OR8J3: variants seen among roughly 807,000 people sequenced by gnomAD.
OR8J3 encodes the protein olfactory receptor family 8 subfamily J member 3.
For missense variants in OR8J3, 418 were observed against 379.8 expected (o/e 1.10, Z -0.84); for synonymous variants, 170 against 142.6 (o/e 1.19, Z -1.37).
rs1854351332 is a variant in OR8J3 at position 56,137,838 on chromosome 11, C to T, written c.-120G>A. 2 of 772,232 alleles carry T rather than the reference C, an allele frequency of 2.6e-6. No homozygotes were observed. The highest frequency in any genetic ancestry group is 2.6e-5 in the East Asian group (1 of 38,680). The allele number at this position is 772,232 out of a possible 1,614,324, so 47.8% of individuals were successfully genotyped here. The stretch of plus-strand genomic sequence containing the variant: ...CAATTCCTGGGTGTGATCTTCTTGT[C>T]ATGTATTAATCTAATTCAGTTATTA... On this transcript the variant is annotated 5_prime_UTR_variant, in exon 2 of 2. An upstream start codon of the reference 5' UTR is lost. Transcript: ENST00000642058.
At position 56,136,776 on chromosome 11, in the gene OR8J3, T is replaced by C. The variant is rs150114964; in HGVS notation, c.943A>G (p.Met315Val). Residue 315 changes from methionine (M) to valine (V), a missense_variant, in exon 2 of 2, where the codon ATG becomes GTG. Transcript: ENST00000642058. ...TTATTTATAGAGCTCTAAAATTACA[T>C]TGATTTAAAGGAGTAACATGGATTT... Reference protein sequence around the residue: ...MENPCYSFKSM With the variant: ...MENPCYSFKSV 4.1e-5 allele frequency: 62 copies of C among 1,518,932 alleles called. No homozygotes were observed. The highest frequency in any genetic ancestry group is 1.2e-5 in the Non-Finnish European group (14 of 1,120,808). The allele number at this position is 1,518,932 out of a possible 1,614,324, so 94.1% of individuals were successfully genotyped here.
At chr11:56,139,285 C>A (rs1165675479) in intron 1 of OR8J3, among the ~76,000 whole-genome samples, 1 of 151,974 alleles carries the variant, frequency 6.6e-6, no homozygotes, top group African/African-American at 2.4e-5. Context: ...AGTTTCTCTC[C>A]TTCTAAAAGA....
rs1854357872 is a variant in OR8J3 at position 56,138,516 on chromosome 11, A to AC, written c.-779-20_-779-19insG. The stretch of plus-strand genomic sequence containing the variant: ...CCCCTTTCTACAAACAAACAAACAA[A>AC]AAAAAATAATTAGCCGTGCGTCGTG... On this transcript the variant is annotated intron_variant, in intron 1 of 1. Transcript: ENST00000642058. 1 of 152,136 alleles carries AC rather than the reference A, an allele frequency of 6.6e-6. No individual in the cohort carries two copies. Among genetic ancestry groups the AC allele is most frequent in the African/African-American group, 2.4e-5 (1 of 41,416 alleles). The allele number at this position is 152,136 out of a possible 1,614,324, so 9.4% of individuals were successfully genotyped here.
rs1197476921 is a variant in OR8J3 at position 56,137,959 on chromosome 11, T to C, written c.-241A>G. The stretch of plus-strand genomic sequence containing the variant: ...TTTAGTATGGCAAAGTAAATAGTTG[T>C]TTCAGCATCCTGCAACACTTTGAGG... On this transcript the variant is annotated 5_prime_UTR_variant, in exon 2 of 2. Coordinates refer to ENST00000642058, the MANE Select transcript of OR8J3 (RefSeq NM_001004064.2). 2.0e-6 allele frequency: 1 copy of C among 493,382 alleles called. No homozygotes were observed. The highest frequency in any genetic ancestry group is 3.6e-6 in the Non-Finnish European group (1 of 280,630). The allele number at this position is 493,382 out of a possible 1,614,324, so 30.6% of individuals were successfully genotyped here.
chr11:56,137,797 C>T lies in OR8J3; in HGVS notation c.-79G>A. The T allele has an allele frequency of 8.4e-7, 1 of 1,183,626 alleles. No individual in the cohort carries two copies. The highest frequency in any genetic ancestry group is 2.1e-4 in the Middle Eastern group (1 of 4,736). 73.3% of individuals were successfully genotyped at this position (1,183,626 alleles called of 1,614,324 possible). The stretch of plus-strand genomic sequence containing the variant: ...TTAAGGAATCATTTTCTAGGATTTC[C>T]ACTAGATGGCAAGGACAATTCCTGG... On this transcript the variant is annotated 5_prime_UTR_variant, in exon 2 of 2. Transcript: ENST00000642058.
Position 56,137,550 on chromosome 11 carries a change from T to G in OR8J3, c.169A>C (p.Asn57His). 8.1e-6 allele frequency: 13 copies of G among 1,614,164 alleles called. No homozygotes were observed. The highest frequency in any genetic ancestry group is 1.1e-5 in the Non-Finnish European group (13 of 1,180,034). The change falls in exon 2 of 2, where the codon AAC becomes CAC. Residue 57 changes from asparagine (N) to histidine (H), a missense_variant. Physicochemically the swap from Asn to His is moderately conservative, Grantham distance 68. Coordinates refer to ENST00000642058, the MANE Select transcript of OR8J3 (RefSeq NM_001004064.2). ...TLTSVDSRLQ[N>H]PMYFFLRHLA... is the part of the protein sequence containing the mutation. ...TGTCTCAGGAAAAAGTACATGGGGT[T>G]TTGAAGTCGAGAGTCAACACTGGTG...
chr11:56,137,750 A>G lies in OR8J3; in HGVS notation c.-32T>C. On this transcript the variant is annotated 5_prime_UTR_variant, in exon 2 of 2. Coordinates refer to ENST00000642058, the MANE Select transcript of OR8J3 (RefSeq NM_001004064.2). ...GTTTGGAAATTCATCTGTTTGAGGA[A>G]GAAAATAAGTGGTTATAGACGTTAA... is the stretch of plus-strand genomic sequence containing the variant. 1 of 1,540,944 alleles carries G rather than the reference A, an allele frequency of 6.5e-7. No individual in the cohort carries two copies. Among genetic ancestry groups the G allele is most frequent in the Non-Finnish European group, 8.8e-7 (1 of 1,136,946 alleles).
Position 56,136,649 on chromosome 11 carries a change from C to T in OR8J3, c.*122G>A. 1 of 520,484 alleles carries T rather than the reference C, an allele frequency of 1.9e-6. No individual in the cohort carries two copies. Among genetic ancestry groups the T allele is most frequent in the Non-Finnish European group, 3.2e-6 (1 of 309,478 alleles). The allele number at this position is 520,484 out of a possible 1,614,324, so 32.2% of individuals were successfully genotyped here. On this transcript the variant is annotated 3_prime_UTR_variant, in exon 2 of 2. Transcript: ENST00000642058. ...ATGTTTCCATGTATTTTTTTTAATTCAATGATCTTTAAATCTTACCTCTTG... is the reference window on the plus strand; with the variant it reads ...ATGTTTCCATGTATTTTTTTTAATTTAATGATCTTTAAATCTTACCTCTTG...
Position 56,137,539 on chromosome 11 carries a change from G to T in OR8J3, c.180C>A (p.Tyr60Ter). Residue 60 changes from tyrosine (Y) to a stop codon, truncating the protein, a stop_gained, in exon 2 of 2, where the codon TAC becomes TAA. Coordinates refer to ENST00000642058, the MANE Select transcript of OR8J3 (RefSeq NM_001004064.2). LOFTEE classifies it low-confidence loss of function (END_TRUNC). ...SVDSRLQNPM[Y>*]FFLRHLAIIN... ...TGATAGCTAGATGTCTCAGGAAAAA[G>T]TACATGGGGTTTTGAAGTCGAGAGT... The T allele has an allele frequency of 6.2e-7, 1 of 1,614,192 alleles. No homozygotes were observed. The highest frequency in any genetic ancestry group is 1.3e-5 in the African/African-American group (1 of 75,046).
Position 56,135,909 on chromosome 11 carries a change from T to G in OR8J3, c.*862A>C, listed in dbSNP as rs1354036231. 1 of 151,966 alleles carries G rather than the reference T, an allele frequency of 6.6e-6. No homozygotes were observed. Among genetic ancestry groups the G allele is most frequent in the African/African-American group, 2.4e-5 (1 of 41,438 alleles). 9.4% of individuals were successfully genotyped at this position (151,966 alleles called of 1,614,324 possible). On this transcript the variant is annotated 3_prime_UTR_variant, in exon 2 of 2. Coordinates refer to ENST00000642058, the MANE Select transcript of OR8J3 (RefSeq NM_001004064.2). ...CTGATTACTCCTATATATTATAAGT[T>G]GTACAATAGGTGTAAGTGTACACTT...
Position 56,137,592 on chromosome 11 carries a change from G to A in OR8J3, c.127C>T (p.Leu43=). 6.2e-7 allele frequency: 1 copy of A among 1,614,202 alleles called. No homozygotes were observed. The highest frequency in any genetic ancestry group is 8.5e-7 in the Non-Finnish European group (1 of 1,180,040). Residue 43 remains leucine (L), a synonymous_variant, in exon 2 of 2, where the codon CTG becomes TTG. Transcript: ENST00000642058. The part of the protein sequence containing the change: ...VLYVLTMAGN[L]GIITLTSVDS... The stretch of plus-strand genomic sequence containing the variant: ...ACACTGGTGAGGGTGATGATGCCCA[G>A]GTTCCCTGCCATGGTCAGCACATAG...
chr11:56,139,672 CTAG>C (rs751742805), intron 1 of OR8J3, among the ~76,000 whole-genome samples: 19 of 152,290 alleles, frequency 1.2e-4, no homozygotes, highest in Middle Eastern at 3.4e-3. Flanking sequence ...AGATAATATA[CTAG>C]GATAACCTGG....
In OR8J3 at chr11:56,137,073, C is replaced by T; in HGVS notation, c.646G>A (p.Val216Ile). The T allele has an allele frequency of 2.5e-6, 4 of 1,613,744 alleles. No individual in the cohort carries two copies. Among genetic ancestry groups the T allele is most frequent in the Non-Finnish European group, 3.4e-6 (4 of 1,179,924 alleles). The change falls in exon 2 of 2, where the codon GTA (valine) becomes ATA (isoleucine). Residue 216 changes from valine (V) to isoleucine (I), a missense_variant. By Grantham distance (29) the Val-to-Ile change is conservative. Coordinates refer to ENST00000642058, the MANE Select transcript of OR8J3 (RefSeq NM_001004064.2). ...GACAAAACAATATTGAAATAAGATA[C>T]TAGAACTGTAATCATGGAAAAAACC... ...NLVFSMITVL[V>I]SYFNIVLSIL...
At chr11:56,139,618 A>G (rs764998493) in intron 1 of OR8J3, among the ~76,000 whole-genome samples, 6 of 152,264 alleles carry the variant, frequency 3.9e-5, no homozygotes, top group Non-Finnish European at 8.8e-5. Flanking sequence ...GCATATAAAC[A>G]CAATAATTGC....
Position 56,137,845 on chromosome 11 carries a change from T to A in OR8J3, c.-127A>T. 4 of 737,396 alleles carry A rather than the reference T, an allele frequency of 5.4e-6. No homozygotes were observed. The highest frequency in any genetic ancestry group is 8.8e-6 in the Non-Finnish European group (4 of 453,034). The allele number at this position is 737,396 out of a possible 1,614,324, so 45.7% of individuals were successfully genotyped here. A position where few individuals can be genotyped will look rare whatever the true frequency, so the allele number is the denominator to read the frequency against. On this transcript the variant is annotated 5_prime_UTR_variant, in exon 2 of 2. Transcript: ENST00000642058. ...TGGGTGTGATCTTCTTGTCATGTAT[T>A]AATCTAATTCAGTTATTAAACTCAG...
rs1264981754 is a variant in OR8J3, at chr11:56,137,370, C to T, written c.349G>A (p.Val117Met). The stretch of plus-strand genomic sequence containing the variant: ...GCCACATAGCGGTCATAGGCCATCA[C>T]AGCCAGCATCATTACCTCCGATACA... ...FIVSEVMMLAVMAYDRYVAIC... is the reference protein window; with the variant it reads ...FIVSEVMMLAMMAYDRYVAIC... Residue 117 changes from valine to methionine, a missense_variant, in exon 2 of 2, where the codon GTG (valine) becomes ATG (methionine). Coordinates refer to ENST00000642058, the MANE Select transcript of OR8J3 (RefSeq NM_001004064.2). 2 of 1,613,986 alleles carry T rather than the reference C, an allele frequency of 1.2e-6. No individual in the cohort carries two copies. Among genetic ancestry groups the T allele is most frequent in the Non-Finnish European group, 1.7e-6 (2 of 1,180,026 alleles).
chr11:56,136,847 C>T lies in OR8J3; in HGVS notation c.872G>A (p.Ser291Asn), dbSNP rs1423410220. Residue 291 changes from serine (S) to asparagine (N), a missense_variant, in exon 2 of 2, where the codon AGC becomes AAC. By Grantham distance (46) the Ser-to-Asn change is conservative. Coordinates refer to ENST00000642058, the MANE Select transcript of OR8J3 (RefSeq NM_001004064.2). ...VIPMLNPLIY[S>N]LRNNDVNVAL... is the part of the protein sequence containing the mutation. ...AACATTTACATCATTATTCCTCAGG[C>T]TGTAGATCAAGGGATTCAGCATAGG... is the stretch of plus-strand genomic sequence containing the variant. 3.7e-6 allele frequency: 6 copies of T among 1,613,096 alleles called. No individual in the cohort carries two copies. In the African/African-American group the frequency reaches 6.7e-5, roughly 18 times the overall value.
chr11:56,137,087 A>G lies in OR8J3; in HGVS notation c.632T>C (p.Met211Thr), dbSNP rs1854338842. The G allele has an allele frequency of 6.2e-7, 1 of 1,613,848 alleles. No individual in the cohort carries two copies. Among genetic ancestry groups the G allele is most frequent in the Non-Finnish European group, 8.5e-7 (1 of 1,179,970 alleles). Residue 211 changes from methionine (M) to threonine (T), a missense_variant, in exon 2 of 2, where the codon ATG (methionine) becomes ACG (threonine). Transcript: ENST00000642058. The part of the protein sequence containing the change: ...ISAATNLVFS[M>T]ITVLVSYFNI... ...GAAATAAGATACTAGAACTGTAATC[A>G]TGGAAAAAACCAAATTTGTTGCTGC... is the stretch of plus-strand genomic sequence containing the variant.
At position 56,136,156 on chromosome 11, in the gene OR8J3, G is replaced by A. The variant is rs994896161; in HGVS notation, c.*615C>T. 1 of 151,970 alleles carries A rather than the reference G, an allele frequency of 6.6e-6. No homozygotes were observed. The highest frequency in any genetic ancestry group is 2.1e-4 in the South Asian group (1 of 4,828). 9.4% of individuals were successfully genotyped at this position (151,970 alleles called of 1,614,324 possible). A position where few individuals can be genotyped will look rare whatever the true frequency, so the allele number is the denominator to read the frequency against. On this transcript the variant is annotated 3_prime_UTR_variant, in exon 2 of 2. Transcript: ENST00000642058. ...AACCCAGTATAAAAGCATATTCAGT[G>A]ATAGTAGTCTGAGCATTTTATTTAA...
Sources: allele counts gnomAD v4.1 joint callset (sites outside exome capture counted in the v4.1 genomes callset), GRCh38; gene constraint gnomAD v4.1.1; transcripts MANE v1.5; gene names NCBI Gene and HGNC (gene_info 2026-07-23, HGNC 2026-07-21).